Variants in KIF3A observed in about 807,000 individuals in gnomAD.
KIF3A encodes kinesin family member 3A, also known as kinesin-like protein KIF3A.
A neutral mutation model predicts 92.6 loss-of-function variants in KIF3A; 27 were observed. That is an observed-to-expected ratio of 0.29 (90% CI 0.21 to 0.40). The LOEUF is 0.40. Ranked by LOEUF, KIF3A falls within the 10% of genes least tolerant of loss-of-function variation. The probability of loss-of-function intolerance (pLI) is 1.00; values close to 1 mark genes in which losing one functional copy is unlikely to be tolerated. For missense variants in KIF3A, 581 were observed against 872.6 expected (o/e 0.67, Z 4.21); for synonymous variants, 250 against 275.4 (o/e 0.91, Z 0.92).
Position 132,696,597 on chromosome 5 carries a change from A to G in KIF3A, c.*37T>C, listed in dbSNP as rs779064367. The G allele has an allele frequency of 2.3e-6, 3 of 1,322,106 alleles. No individual in the cohort carries two copies. In the South Asian group the frequency reaches 3.7e-5, roughly 16 times the overall value. The allele number at this position is 1,322,106 out of a possible 1,614,324, so 81.9% of individuals were successfully genotyped here. A position where few individuals can be genotyped will look rare whatever the true frequency, so the allele number is the denominator to read the frequency against. On this transcript the variant is annotated 3_prime_UTR_variant, in exon 19 of 19. Coordinates refer to ENST00000403231, the MANE Select transcript of KIF3A (RefSeq NM_001300791.2). ...AAAGATTTTGTCCAGGCATGAGAATATCACTAATTTTTATTGTGACTTTAA... is the reference window on the plus strand; with the variant it reads ...AAAGATTTTGTCCAGGCATGAGAATGTCACTAATTTTTATTGTGACTTTAA...
At chr5:132,714,930 C>G (rs751028659) in intron 8 of KIF3A, among the ~76,000 whole-genome samples, 40 of 152,152 alleles carry the variant, frequency 2.6e-4, no homozygotes, top group Admixed American at 5.9e-4. Context: ...ATTTAAAACA[C>G]CAAATTTCAT....
At chr5:132,707,383 T>C (rs1282626279) in intron 10 of KIF3A, among the ~76,000 whole-genome samples, 1 of 152,076 alleles carries the variant, frequency 6.6e-6, no homozygotes, top group Non-Finnish European at 1.5e-5. Flanking sequence ...ACGCCCACAT[T>C]ACAAGAAAAA....
At chr5:132,707,423 T>G (rs1753252776) in intron 10 of KIF3A, among the ~76,000 whole-genome samples, 1 of 152,228 alleles carries the variant, frequency 6.6e-6, no homozygotes, top group East Asian at 1.9e-4. Flanking sequence ...AAATAGGAAT[T>G]AAAACTTCTT....
At chr5:132,700,442 C>A in intron 16 of KIF3A, 158 bp from the exon 17 acceptor site, 3 of 651,560 alleles carry the variant, frequency 4.6e-6, no homozygotes, top group South Asian at 1.9e-5. Context: ...CCCACATAGC[C>A]CCTAACTCTG....
At chr5:132,721,183 T>C (rs991169728) in intron 4 of KIF3A, among the ~76,000 whole-genome samples, 6 of 152,170 alleles carry the variant, frequency 3.9e-5, no homozygotes, top group African/African-American at 1.4e-4. Flanking sequence ...TCTGGTTATA[T>C]AGGAAGACAG....
At chr5:132,707,989 ATC>A (rs1753276336) in intron 10 of KIF3A, among the ~76,000 whole-genome samples, 1 of 152,228 alleles carries the variant, frequency 6.6e-6, no homozygotes. Flanking sequence ...ACCTTAGAAA[ATC>A]TCTTAAAATC....
chr5:132,737,326 G>A (rs1029839874), intron 1 of KIF3A, 88 bp downstream of exon 1: 6 of 1,450,128 alleles, frequency 4.1e-6, no homozygotes, highest in African/African-American at 1.5e-5. Flanking sequence ...GCCGCCTGCC[G>A]GCTCCGCGCC....
intron 11 of KIF3A, among the ~76,000 whole-genome samples, chr5:132,704,724 T>G (rs1753150858): frequency 6.6e-6 from 1 of 151,820 alleles, no homozygotes. Flanking sequence ...TTAACTTCCT[T>G]CCCAAAGAAC....
Position 132,692,724 on chromosome 5 carries a change from A to C in KIF3A, c.*3910T>G, listed in dbSNP as rs1752698144. ...TTGAACAAATACAATTTATACATAA[A>C]ATACAATGAAAGCATGGCTTTTGAA... is the stretch of plus-strand genomic sequence containing the variant. On this transcript the variant is annotated 3_prime_UTR_variant, in exon 19 of 19. Coordinates refer to ENST00000403231, the MANE Select transcript of KIF3A (RefSeq NM_001300791.2). 6.5e-6 allele frequency: 1 copy of C among 152,750 alleles called. No individual in the cohort carries two copies. Among genetic ancestry groups the C allele is most frequent in the Non-Finnish European group, 1.5e-5 (1 of 68,046 alleles). The allele number at this position is 152,750 out of a possible 1,614,324, so 9.5% of individuals were successfully genotyped here.
At chr5:132,724,792 T>TTAA (rs1230636403) in intron 4 of KIF3A, among the ~76,000 whole-genome samples, 8 of 64,348 alleles carry the variant, frequency 1.2e-4, no homozygotes, top group Non-Finnish European at 1.9e-4. Context: ...TAAAGTATAA[T>TTAA]AAAAAAAAAA....
chr5:132,710,939 G>T lies in KIF3A; in HGVS notation c.1228+20C>A. The stretch of plus-strand genomic sequence containing the variant: ...GAAACCACCTAATTTCTACAAATCA[G>T]ATTACTAAACAGAACTTACCCCTTC... On this transcript the variant is annotated intron_variant, in intron 9 of 18. Transcript: ENST00000403231. The T allele has an allele frequency of 6.2e-7, 1 of 1,613,612 alleles. No individual in the cohort carries two copies. Among genetic ancestry groups the T allele is most frequent in the Non-Finnish European group, 8.5e-7 (1 of 1,179,786 alleles).
chr5:132,717,662 T>C (rs1753675165), intron 5 of KIF3A, among the ~76,000 whole-genome samples: 1 of 152,078 alleles, frequency 6.6e-6, no homozygotes, highest in Non-Finnish European at 1.5e-5. Flanking sequence ...ATTCAAAATA[T>C]GCAAAGTATT....
chr5:132,703,170 TATA>T, intron 12 of KIF3A, 105 bp from the exon 13 acceptor site: 1 of 965,800 alleles, frequency 1.0e-6, no homozygotes. Flanking sequence ...AAAATAGAAA[TATA>T]ATTATGTAAC....
intron 18 of KIF3A, chr5:132,697,772 CAG>C (rs1471145504): frequency 6.6e-6 from 1 of 152,510 alleles, no homozygotes; most frequent in Non-Finnish European, 1.5e-5. Flanking sequence ...GAAAAGAAAA[CAG>C]AAGATCCAGA....
chr5:132,724,809 ATATATATATATATATATATATATATATAT>A (rs1753969043), intron 4 of KIF3A, among the ~76,000 whole-genome samples: 17 of 10,520 alleles, frequency 1.6e-3, no homozygotes, highest in African/African-American at 8.9e-4. Flanking sequence ...AAAAAAAAAT[ATATATATATATATATATATATATATATAT>A]ATATATATAT....
chr5:132,737,457 G>A lies in KIF3A; in HGVS notation c.-38C>T, dbSNP rs1254840384. The A allele has an allele frequency of 3.1e-6, 5 of 1,599,604 alleles. No individual in the cohort carries two copies. Among genetic ancestry groups the A allele is most frequent in the Middle Eastern group, 1.7e-4 (1 of 6,010 alleles). On this transcript the variant is annotated 5_prime_UTR_variant, in exon 1 of 19. Transcript: ENST00000403231. The stretch of plus-strand genomic sequence containing the variant: ...CCGTGCCCGGCGGACGTCCCCGCCC[G>A]GGGTGCAGCCCAGCGACACCGGGTG...
intron 2 of KIF3A, among the ~76,000 whole-genome samples, chr5:132,731,685 G>A (rs1754235455): frequency 1.3e-5 from 2 of 151,860 alleles, no homozygotes; most frequent in Admixed American, 1.3e-4. Context: ...AAAGGACAAA[G>A]TAAAAACTGT....
intron 17 of KIF3A, chr5:132,699,559 T>TC (rs1752957317): frequency 2.0e-6 from 1 of 496,620 alleles, no homozygotes; most frequent in Non-Finnish European, 3.9e-6. Flanking sequence ...CTCTTCTTCT[T>TC]CTTTTTTTTT....
Position 132,720,606 on chromosome 5 carries a change from T to C in KIF3A, c.616+3A>G. 6.3e-7 allele frequency: 1 copy of C among 1,582,984 alleles called. No individual in the cohort carries two copies. Among genetic ancestry groups the C allele is most frequent in the Non-Finnish European group, 8.7e-7 (1 of 1,156,062 alleles). On this transcript the variant is annotated splice_donor_region_variant and intron_variant, in intron 5 of 18. Coordinates refer to ENST00000403231, the MANE Select transcript of KIF3A (RefSeq NM_001300791.2). ...CTTAATCACAATTACACACTATACT[T>C]ACGATTTTTGTGGCCTAGCGTCATA...
Sources: allele counts gnomAD v4.1 joint callset (sites outside exome capture counted in the v4.1 genomes callset), GRCh38; gene constraint gnomAD v4.1.1; transcripts MANE v1.5; gene names NCBI Gene and HGNC (gene_info 2026-07-23, HGNC 2026-07-21).